CSMD1: variants seen among roughly 807,000 people sequenced by gnomAD.
CSMD1 encodes CUB and sushi domain-containing protein 1.
CSMD1 carries 213 observed loss-of-function variants against 417.5 expected under a neutral mutation model. The ratio of observed to expected loss-of-function variants is 0.51; its 90% confidence interval spans 0.46 to 0.57. The LOEUF (loss-of-function observed/expected upper bound fraction) is 0.57. Among genes scored for constraint, CSMD1 ranks in the 20% least tolerant of loss-of-function variants. The pLI is 0.00. For missense variants in CSMD1, 6,923 were observed against 4,529.7 expected (o/e 1.53, Z -15.17); for synonymous variants, 2,862 against 1,736.8 (o/e 1.65, Z -16.11).
intron 3 of CSMD1, among the ~76,000 whole-genome samples, chr8:4,283,444 T>C (rs755194952): frequency 2.6e-5 from 4 of 152,216 alleles, no homozygotes; most frequent in Non-Finnish European, 4.4e-5. Context: ...GATTTCCAAA[T>C]GCAAATTATC....
chr8:3,249,988 C>T lies in CSMD1; in HGVS notation c.4154-19757G>A, dbSNP rs9644269. On this transcript the variant is annotated intron_variant, in intron 26 of 69. Transcript: ENST00000635120. ...GGTTAAAAACTAGTGAACAGTATTT[C>T]AAAAATGTAGGTTATTATAAAAGGT... is the stretch of plus-strand genomic sequence containing the variant. 0.012 allele frequency among the ~76,000 whole-genome samples: 1,844 copies of T among 152,192 alleles called. 90 individuals carry two copies. In the East Asian group the frequency reaches 0.14, roughly 11 times the overall value.
chr8:3,887,317 T>C (rs1419109377), intron 5 of CSMD1, among the ~76,000 whole-genome samples: 3 of 152,178 alleles, frequency 2.0e-5, no homozygotes, highest in Admixed American at 6.5e-5. Context: ...CGCCAGGTGA[T>C]AGTTTCTGAG....
chr8:3,367,501 A>G (rs10111652), intron 19 of CSMD1, among the ~76,000 whole-genome samples: 36,211 of 151,950 alleles, frequency 0.24, 4,408 homozygotes, highest in African/African-American at 0.3. Context: ...AGAGGTAACA[A>G]TTGCTGAAAA....
At chr8:4,555,028 A>T (rs73183001) in intron 2 of CSMD1, among the ~76,000 whole-genome samples, 25,774 of 152,104 alleles carry the variant, frequency 0.17, 2,165 homozygotes, top group Middle Eastern at 0.19. Flanking sequence ...TAAGACTCAG[A>T]GATGCTGGTA....
At chr8:2,960,653 C>T (rs115616923) in intron 62 of CSMD1, among the ~76,000 whole-genome samples, 27 of 152,066 alleles carry the variant, frequency 1.8e-4, no homozygotes, top group Non-Finnish European at 2.6e-4. Flanking sequence ...AAAGATCATA[C>T]GGAGAACTAA....
chr8:4,333,758 A>G (rs1800005380), intron 3 of CSMD1, among the ~76,000 whole-genome samples: 1 of 152,132 alleles, frequency 6.6e-6, no homozygotes, highest in African/African-American at 2.4e-5. Context: ...GCTGCCTGCC[A>G]CGGGTAGGTA....
At chr8:4,103,968 G>A (rs569722592) in intron 3 of CSMD1, among the ~76,000 whole-genome samples, 5 of 152,296 alleles carry the variant, frequency 3.3e-5, no homozygotes, top group East Asian at 3.9e-4. Flanking sequence ...CTGCAGACGC[G>A]TGAGCTCCTG....
At chr8:3,155,527 C>CCGG (rs1172022259) in intron 39 of CSMD1, among the ~76,000 whole-genome samples, 1 of 151,376 alleles carries the variant, frequency 6.6e-6, no homozygotes, top group Non-Finnish European at 1.5e-5. Flanking sequence ...GCCACCACGC[C>CCGG]CAGCTAATTT....
At chr8:3,082,485 GACTATCATATTGACTTGT>G (rs1814175100) in intron 49 of CSMD1, among the ~76,000 whole-genome samples, 1 of 152,236 alleles carries the variant, frequency 6.6e-6, no homozygotes, top group South Asian at 2.1e-4. Flanking sequence ...CATTCCTGCT[GACTATCATATTGACTTGT>G]ACTTATCAGT....
intron 3 of CSMD1, among the ~76,000 whole-genome samples, chr8:4,333,348 G>T (rs1403476630): frequency 2.0e-5 from 3 of 152,080 alleles, no homozygotes; most frequent in African/African-American, 7.2e-5. Flanking sequence ...CAGAAAGGGC[G>T]AGCGCAGGGT....
chr8:3,724,594 G>T (rs1383897192), intron 6 of CSMD1, among the ~76,000 whole-genome samples: 1 of 152,100 alleles, frequency 6.6e-6, no homozygotes, highest in Non-Finnish European at 1.5e-5. Context: ...AATTAGGGAG[G>T]GGGAATGAGA....
intron 1 of CSMD1, among the ~76,000 whole-genome samples, chr8:4,795,487 G>A (rs2117255413): frequency 6.6e-6 from 1 of 151,492 alleles, no homozygotes; most frequent in East Asian, 2.0e-4. Flanking sequence ...AGCCAGGATG[G>A]TCTCGATATC....
chr8:3,520,000 ATG>A (rs1466867125), intron 10 of CSMD1, among the ~76,000 whole-genome samples: 20 of 148,120 alleles, frequency 1.4e-4, no homozygotes, highest in African/African-American at 4.3e-4. Flanking sequence ...GTGCATATAT[ATG>A]TGTGTGTGTG....
intron 5 of CSMD1, among the ~76,000 whole-genome samples, chr8:3,985,884 T>G (rs1279934016): frequency 2.0e-5 from 3 of 152,000 alleles, no homozygotes; most frequent in African/African-American, 7.3e-5. Context: ...TCTTCCCAAT[T>G]CATCGTGCAC....
At chr8:3,759,069 C>T (rs1314031782) in intron 5 of CSMD1, among the ~76,000 whole-genome samples, 1 of 152,186 alleles carries the variant, frequency 6.6e-6, no homozygotes, top group Non-Finnish European at 1.5e-5. Flanking sequence ...GCCCAGCTGA[C>T]ACCTTGATTG....
chr8:3,399,394 T>C lies in CSMD1; in HGVS notation c.2402A>G (p.Asp801Gly), dbSNP rs778816656. Residue 801 changes from aspartate (D) to glycine (G), a missense_variant, in exon 16 of 70, where the codon GAC becomes GGC. Coordinates refer to ENST00000635120, the MANE Select transcript of CSMD1 (RefSeq NM_033225.6). ...TGAAGACTAATTTTTTTCTTACCTG[T>C]CAAAAGTTATTTTGATAGAGTGGCC... ...KPGHSIKITFDRFQTEVNYDT... is the reference protein window; with the variant it reads ...KPGHSIKITFGRFQTEVNYDT... 6.2e-7 allele frequency: 1 copy of C among 1,600,278 alleles called. No homozygotes were observed. Among genetic ancestry groups the C allele is most frequent in the Non-Finnish European group, 8.5e-7 (1 of 1,174,038 alleles).
At chr8:4,538,010 C>T (rs1443391137) in intron 2 of CSMD1, among the ~76,000 whole-genome samples, 1 of 152,152 alleles carries the variant, frequency 6.6e-6, no homozygotes, top group Admixed American at 6.5e-5. Context: ...TCATGGTTTT[C>T]ATCTGAATCA....
Position 4,841,949 on chromosome 8 carries a change from A to G in CSMD1, c.85+152383T>C, listed in dbSNP as rs115312167. Among the ~76,000 whole-genome samples the G allele has an allele frequency of 9.0e-3, 1,077 of 120,120 alleles. 22 individuals carry two copies. The highest frequency in any genetic ancestry group is 0.032 in the African/African-American group (1,037 of 32,904). 78.8% of individuals were successfully genotyped at this position (120,120 alleles called of 152,430 possible). ...AAAAAAAAAAAAAAAGTTCAGAACAATGGATATAACTGTCCTGAATGCATT... is the reference window on the plus strand; with the variant it reads ...AAAAAAAAAAAAAAAGTTCAGAACAGTGGATATAACTGTCCTGAATGCATT... On this transcript the variant is annotated intron_variant, in intron 1 of 69. Transcript: ENST00000635120.
rs996907540 is a variant in CSMD1 at position 3,290,680 on chromosome 8, C to G, written c.3951-6334G>C. Among the ~76,000 whole-genome samples the G allele has an allele frequency of 9.5e-5, 14 of 147,214 alleles. 1 individual carries two copies. Among genetic ancestry groups the G allele is most frequent in the African/African-American group, 3.8e-4 (14 of 36,978 alleles). Reference sequence around the variant, plus strand: ...TGATTTTTGCACATTGATTTTGTATCCTGAGACTTTGCTGAAGTTGCTTAT... The same window carrying G: ...TGATTTTTGCACATTGATTTTGTATGCTGAGACTTTGCTGAAGTTGCTTAT... On this transcript the variant is annotated intron_variant, in intron 25 of 69. Transcript: ENST00000635120.
Sources: gnomAD v4.1 joint callset for allele counts (sites outside exome capture counted in the v4.1 genomes callset) on GRCh38, gnomAD v4.1.1 for gene constraint, MANE v1.5 for transcripts, NCBI Gene and HGNC (gene_info 2026-07-23, HGNC 2026-07-21) for gene names.